The following ADPRHL1 variants were observed in gnomAD, a reference collection of about 807,000 sequenced individuals.
The protein encoded by ADPRHL1 is ADP-ribosylhydrolase like 1.
A neutral mutation model predicts 44.1 loss-of-function variants in ADPRHL1; 43 were observed. The observed-to-expected ratio is 0.98, with a 90% CI of 0.76 to 1.26. The LOEUF (loss-of-function observed/expected upper bound fraction) is 1.26. Among genes scored for constraint, ADPRHL1 ranks in the 50% most tolerant of loss-of-function variants. The probability of loss-of-function intolerance (pLI) is 0.00; values close to 1 mark genes in which losing one functional copy is unlikely to be tolerated. For synonymous variants in ADPRHL1, 878 were observed against 1,017.4 expected (o/e 0.86, Z 2.61); for missense variants, 2,022 against 2,496.9 (o/e 0.81, Z 4.05).
chr13:113,421,005 A>C (rs2043914850), intron 7 of ADPRHL1, among the ~76,000 whole-genome samples: 1 of 113,448 alleles, frequency 8.8e-6, no homozygotes, highest in African/African-American at 3.4e-5. Context: ...CCCCTGGGAC[A>C]TGCCTACCCC....
rs113954510 is a variant in ADPRHL1 at position 113,452,934 on chromosome 13, T to A, written c.214+290A>T. Among the ~76,000 whole-genome samples the A allele has an allele frequency of 2.2e-3, 337 of 152,316 alleles. 2 individuals are homozygous for A. The highest frequency in any genetic ancestry group is 7.7e-3 in the African/African-American group (319 of 41,570). ...TAGAAACAGAAGGTGCTAGGCCTAG[T>A]TAACGCTTTACAAATACAAGTGAAA... On this transcript the variant is annotated intron_variant, in intron 1 of 7. Coordinates refer to ENST00000612156, the MANE Select transcript of ADPRHL1 (RefSeq NM_001394807.1).
intron 2 of ADPRHL1, among the ~76,000 whole-genome samples, chr13:113,438,325 G>C (rs1029814577): frequency 1.3e-5 from 2 of 152,166 alleles, no homozygotes; most frequent in Admixed American, 6.5e-5. Flanking sequence ...ACGGAAGATG[G>C]TGAGCATGAT....
Position 113,441,822 on chromosome 13 carries a change from G to A in ADPRHL1, c.379+2603C>T, listed in dbSNP as rs1003161978. On this transcript the variant is annotated intron_variant, in intron 2 of 7. Transcript: ENST00000612156. This position sits in a 1 kb window ranked among gnomAD's most constrained non-coding sequence, Gnocchi z 6.0. ...ACGCTTTACTCCACCACACGGGTCCGTGTCTCTGTCACGTTGTGTCCCGCC... is the reference window on the plus strand; with the variant it reads ...ACGCTTTACTCCACCACACGGGTCCATGTCTCTGTCACGTTGTGTCCCGCC... 9.2e-5 allele frequency among the ~76,000 whole-genome samples: 14 copies of A among 151,806 alleles called. No individual in the cohort carries two copies. The highest frequency in any genetic ancestry group is 4.2e-4 in the South Asian group (2 of 4,774).
Position 113,436,369 on chromosome 13 carries a change from TGTAGGGTGAACATAGGTGTACCCCGG to T in ADPRHL1, c.380-2528_380-2503del, listed in dbSNP as rs1566478455. ...TGTACCCCGGGACCCAGCACCCAGGTGTAGGGTGAACATAGGTGTACCCCGGGACCCAGCACCCAGGTGTAGGGTGA... is the reference window on the plus strand; with the variant it reads ...TGTACCCCGGGACCCAGCACCCAGGTGACCCAGCACCCAGGTGTAGGGTGA... On this transcript the variant is annotated intron_variant, in intron 2 of 7. Coordinates refer to ENST00000612156, the MANE Select transcript of ADPRHL1 (RefSeq NM_001394807.1). 5.1e-5 allele frequency among the ~76,000 whole-genome samples: 3 copies of T among 58,340 alleles called. No homozygotes were observed. In the East Asian group the frequency reaches 1.8e-3, roughly 35 times the overall value. The allele number at this position is 58,340 out of a possible 152,430, so 38.3% of individuals were successfully genotyped here.
chr13:113,407,682 C>A lies in ADPRHL1; in HGVS notation c.1600G>T (p.Ala534Ser), dbSNP rs931299288. The stretch of plus-strand genomic sequence containing the variant: ...ATGATCTTCGGCAAGAGGCCCCTGG[C>A]GGCTTTGGGCCGCTCCACAGGGGGC... ...EKPPVERPKA[A>S]RGLLPKIMGK... The change falls in exon 8 of 8, where the codon GCC becomes TCC. Residue 534 changes from alanine (A) to serine (S), a missense_variant. Ala to Ser is a moderately conservative substitution (Grantham distance 99, BLOSUM62 1). Coordinates refer to ENST00000612156, the MANE Select transcript of ADPRHL1 (RefSeq NM_001394807.1). The A allele has an allele frequency of 3.2e-5, 40 of 1,231,946 alleles. No individual in the cohort carries two copies. Among genetic ancestry groups the A allele is most frequent in the South Asian group, 4.1e-5 (1 of 24,326 alleles). 76.3% of individuals were successfully genotyped at this position (1,231,946 alleles called of 1,614,324 possible).
chr13:113,444,845 G>T (rs9549798), intron 1 of ADPRHL1, among the ~76,000 whole-genome samples: 3 of 151,922 alleles, frequency 2.0e-5, no homozygotes, highest in Middle Eastern at 3.2e-3. Flanking sequence ...GGATGGTCTC[G>T]ATCTCCTGAC....
chr13:113,440,247 G>A (rs970996224), intron 2 of ADPRHL1, among the ~76,000 whole-genome samples: 1 of 152,134 alleles, frequency 6.6e-6, no homozygotes, highest in African/African-American at 2.4e-5. Flanking sequence ...AGCATTGTCA[G>A]TTTTTGCTTC....
chr13:113,403,163 C>A lies in ADPRHL1; in HGVS notation c.*215G>T. 1 of 391,042 alleles carries A rather than the reference C, an allele frequency of 2.6e-6. No individual in the cohort carries two copies. The highest frequency in any genetic ancestry group is 4.4e-6 in the Non-Finnish European group (1 of 226,490). The allele number at this position is 391,042 out of a possible 1,614,324, so 24.2% of individuals were successfully genotyped here. ...AGGCCACAGGCCCGCACCTCCCACC[C>A]CCATGGCCTCGTGGCTCTGTGGGGT... On this transcript the variant is annotated 3_prime_UTR_variant, in exon 8 of 8. Coordinates refer to ENST00000612156, the MANE Select transcript of ADPRHL1 (RefSeq NM_001394807.1).
intron 6 of ADPRHL1, among the ~76,000 whole-genome samples, chr13:113,423,308 C>T (rs1184160473): frequency 6.6e-6 from 1 of 152,138 alleles, no homozygotes; most frequent in Non-Finnish European, 1.5e-5. Flanking sequence ...AGGCGCTTCC[C>T]TTCTCCCTCC....
rs1555328353 is a variant in ADPRHL1 at position 113,450,960 on chromosome 13, C to CCG, written c.214+2263_214+2264insCG. On this transcript the variant is annotated intron_variant, in intron 1 of 7. Coordinates refer to ENST00000612156, the MANE Select transcript of ADPRHL1 (RefSeq NM_001394807.1). ...CCCCTGGGGAAAGGGAGACCCCCCC[C>CCG]CCCTTCCTGGTCTGCTAAGTAGCAG... Among the ~76,000 whole-genome samples, 35 of 151,658 alleles carry CCG rather than the reference C, an allele frequency of 2.3e-4. No homozygotes were observed. In the South Asian group the frequency reaches 6.0e-3, roughly 26 times the overall value.
At chr13:113,423,117 C>T (rs56133750) in intron 6 of ADPRHL1, 138 bp from the exon 7 acceptor site, 161,592 of 1,228,022 alleles carry the variant, frequency 0.13, 11,517 homozygotes, top group South Asian at 0.18. Flanking sequence ...GGCAGGCCAG[C>T]GCGGTGGCTC....
chr13:113,445,882 G>C (rs1044703683), intron 1 of ADPRHL1, among the ~76,000 whole-genome samples: 2 of 151,010 alleles, frequency 1.3e-5, no homozygotes, highest in African/African-American at 2.4e-5. Flanking sequence ...CAAACCCCTG[G>C]AGAGAGCACG....
chr13:113,425,431 C>T (rs2043961277), intron 4 of ADPRHL1, among the ~76,000 whole-genome samples: 1 of 152,240 alleles, frequency 6.6e-6, no homozygotes, highest in Admixed American at 6.5e-5. Context: ...GAGACGAAGT[C>T]TCCCTCTCGT....
intron 7 of ADPRHL1, among the ~76,000 whole-genome samples, chr13:113,413,656 G>A (rs908830113): frequency 1.8e-4 from 27 of 152,212 alleles, no homozygotes; most frequent in African/African-American, 7.2e-5. Flanking sequence ...CCCTTGGGCC[G>A]TCAGCCCCAC....
chr13:113,429,036 GCTTTC>G lies in ADPRHL1; in HGVS notation c.557_561del (p.Gly186AlafsTer38), dbSNP rs769603778. The G allele has an allele frequency of 1.2e-6, 2 of 1,612,844 alleles. No homozygotes were observed. Among genetic ancestry groups the G allele is most frequent in the Non-Finnish European group, 1.7e-6 (2 of 1,179,984 alleles). ...ATGTCTCTCCCCCACTGGACCAGGG[GCTTTC>G]CTTGTGCGGCGAACGACACAAACAG... On this transcript the variant is annotated frameshift_variant, in exon 4 of 8. Transcript: ENST00000612156. LOFTEE classifies it high-confidence loss of function.
rs1282591492 is a variant in ADPRHL1 at position 113,441,568 on chromosome 13, C to G, written c.379+2857G>C. On this transcript the variant is annotated intron_variant, in intron 2 of 7. Coordinates refer to ENST00000612156, the MANE Select transcript of ADPRHL1 (RefSeq NM_001394807.1). This position sits in a 1 kb window ranked among gnomAD's most constrained non-coding sequence, Gnocchi z 6.0. Reference sequence around the variant, plus strand: ...CTTCGTGCTATTGTTGTTGTACATTCTACTTATATTTTATAAACCATACCG... The same window carrying G: ...CTTCGTGCTATTGTTGTTGTACATTGTACTTATATTTTATAAACCATACCG... 6.6e-6 allele frequency among the ~76,000 whole-genome samples: 1 copy of G among 152,150 alleles called. No individual in the cohort carries two copies. The highest frequency in any genetic ancestry group is 2.4e-5 in the African/African-American group (1 of 41,432).
intron 1 of ADPRHL1, among the ~76,000 whole-genome samples, chr13:113,450,818 G>T (rs955701033): frequency 6.6e-6 from 1 of 152,200 alleles, no homozygotes; most frequent in African/African-American, 2.4e-5. Context: ...CAGACTAGGA[G>T]TGTGACCACT....
Position 113,453,131 on chromosome 13 carries a change from C to A in ADPRHL1, c.214+93G>T. Reference sequence around the variant, plus strand: ...TAACACCATCCGCTGAAGGACCGCACTGCCTTCAAAGCTCTCGGAGGCTTA... The same window carrying A: ...TAACACCATCCGCTGAAGGACCGCAATGCCTTCAAAGCTCTCGGAGGCTTA... On this transcript the variant is annotated intron_variant, in intron 1 of 7. Coordinates refer to ENST00000612156, the MANE Select transcript of ADPRHL1 (RefSeq NM_001394807.1). This position sits in a 1 kb window ranked among gnomAD's most constrained non-coding sequence, Gnocchi z 5.4. 7.1e-7 allele frequency: 1 copy of A among 1,400,830 alleles called. No homozygotes were observed. 86.8% of individuals were successfully genotyped at this position (1,400,830 alleles called of 1,614,324 possible).
intron 1 of ADPRHL1, among the ~76,000 whole-genome samples, chr13:113,444,993 G>A (rs528221760): frequency 6.2e-4 from 94 of 152,284 alleles, no homozygotes; most frequent in African/African-American, 2.2e-3. Context: ...CTACTCTATG[G>A]GCTTGTGACG....
Sources: allele counts gnomAD v4.1 joint callset (sites outside exome capture counted in the v4.1 genomes callset), GRCh38; gene constraint gnomAD v4.1.1; non-coding constraint Gnocchi (gnomAD v3.1); transcripts MANE v1.5; gene names NCBI Gene and HGNC (gene_info 2026-07-23, HGNC 2026-07-21).